Variants in SYT1 observed in about 807,000 individuals in gnomAD.
SYT1 encodes the protein synaptotagmin-1.
In SYT1, 8 loss-of-function variants were observed where a neutral mutation model predicts 44.8. The ratio of observed to expected loss-of-function variants is 0.18; its 90% confidence interval spans 0.10 to 0.32. The LOEUF (loss-of-function observed/expected upper bound fraction) is 0.32. Among genes scored for constraint, SYT1 ranks in the 10% least tolerant of loss-of-function variants. The pLI is 1.00. For missense variants in SYT1, 286 were observed against 509.3 expected (o/e 0.56, Z 4.22); for synonymous variants, 154 against 188.8 (o/e 0.82, Z 1.51).
intron 2 of SYT1, among the ~76,000 whole-genome samples, chr12:79,010,759 T>C (rs913443584): frequency 1.3e-5 from 2 of 152,196 alleles, no homozygotes; most frequent in Non-Finnish European, 2.9e-5. Flanking sequence ...CAAAATTTTT[T>C]CTAGAGGTCA....
chr12:78,981,104 T>C (rs1869219696), intron 2 of SYT1, among the ~76,000 whole-genome samples: 1 of 151,498 alleles, frequency 6.6e-6, no homozygotes, highest in African/African-American at 2.4e-5. Context: ...TGTTTTTTGT[T>C]GTTGTTTTGT....
Position 79,006,680 on chromosome 12 carries a change from G to A in SYT1, c.-84+28749G>A, listed in dbSNP as rs376191386. Among the ~76,000 whole-genome samples the A allele has an allele frequency of 2.4e-4, 37 of 152,142 alleles. 1 individual carries two copies. Among genetic ancestry groups the A allele is most frequent in the East Asian group, 1.2e-3 (6 of 5,182 alleles). On this transcript the variant is annotated intron_variant, in intron 2 of 10. Coordinates refer to ENST00000261205, the MANE Select transcript of SYT1 (RefSeq NM_005639.3). Reference sequence around the variant, plus strand: ...TATCTGAAATATACTATGTAGGATCGTTAGATATTTGTGAGAAGATATTCT... The same window carrying A: ...TATCTGAAATATACTATGTAGGATCATTAGATATTTGTGAGAAGATATTCT...
At chr12:79,015,870 T>C (rs1297969173) in intron 2 of SYT1, among the ~76,000 whole-genome samples, 2 of 152,144 alleles carry the variant, frequency 1.3e-5, no homozygotes, top group Non-Finnish European at 2.9e-5. Context: ...ACACTTCTTA[T>C]AAATGAAAAA....
At chr12:78,992,496 C>A (rs1201491442) in intron 2 of SYT1, among the ~76,000 whole-genome samples, 1 of 152,154 alleles carries the variant, frequency 6.6e-6, no homozygotes, top group Non-Finnish European at 1.5e-5. Context: ...TAAGTTACAT[C>A]AAATGCAGCA....
chr12:79,202,000 A>T (rs1385477651), intron 3 of SYT1, among the ~76,000 whole-genome samples: 1 of 152,198 alleles, frequency 6.6e-6, no homozygotes, highest in South Asian at 2.1e-4. Context: ...CAGTGAAATT[A>T]TAGTATCTAT....
intron 1 of SYT1, among the ~76,000 whole-genome samples, chr12:78,972,536 A>T (rs1267964175): frequency 1.5e-5 from 2 of 136,356 alleles, no homozygotes; most frequent in African/African-American, 2.8e-5. Context: ...CAGCAAAAAA[A>T]AAATATATAT....
chr12:79,164,903 A>G (rs1871148495), intron 3 of SYT1, among the ~76,000 whole-genome samples: 2 of 152,028 alleles, frequency 1.3e-5, no homozygotes, highest in South Asian at 2.1e-4. Context: ...TAAGACTTTG[A>G]TATAAAGTAA....
chr12:79,070,881 G>T (rs1876226842), intron 3 of SYT1, among the ~76,000 whole-genome samples: 1 of 151,584 alleles, frequency 6.6e-6, no homozygotes. Flanking sequence ...AATAAAAGTT[G>T]AAAGGAAAAA....
chr12:79,300,789 T>TTATATATATATATATA lies in SYT1; in HGVS notation c.810+1258_810+1273dup, dbSNP rs56934430. On this transcript the variant is annotated intron_variant, in intron 8 of 10. Coordinates refer to ENST00000261205, the MANE Select transcript of SYT1 (RefSeq NM_005639.3). ...TGTATATAATATTCATGTATACTTA[T>TTATATATATATATATA]TATATATATATATATATATATATAT... Among the ~76,000 whole-genome samples, 153 of 89,568 alleles carry TTATATATATATATATA rather than the reference T, an allele frequency of 1.7e-3. 1 individual carries two copies. Among genetic ancestry groups the TTATATATATATATATA allele is most frequent in the Non-Finnish European group, 2.6e-3 (116 of 45,436 alleles). 58.8% of individuals were successfully genotyped at this position (89,568 alleles called of 152,430 possible).
At chr12:78,947,344 A>C (rs1054361550) in intron 1 of SYT1, among the ~76,000 whole-genome samples, 13 of 152,082 alleles carry the variant, frequency 8.5e-5, no homozygotes, top group African/African-American at 3.1e-4. Context: ...AACATCACTC[A>C]TGTTTAGGCT....
chr12:79,115,466 A>G (rs1199805223), intron 3 of SYT1, among the ~76,000 whole-genome samples: 2 of 152,220 alleles, frequency 1.3e-5, no homozygotes, highest in African/African-American at 4.8e-5. Flanking sequence ...ATACATAAAC[A>G]ACAAATTTTA....
At chr12:78,915,457 T>C (rs2137142562) in intron 1 of SYT1, among the ~76,000 whole-genome samples, 1 of 151,904 alleles carries the variant, frequency 6.6e-6, no homozygotes, top group Non-Finnish European at 1.5e-5. Context: ...GACAATGGGG[T>C]CAAAAAAGAA....
At chr12:79,225,896 C>A (rs940985535) in intron 4 of SYT1, among the ~76,000 whole-genome samples, 2 of 152,160 alleles carry the variant, frequency 1.3e-5, no homozygotes, top group African/African-American at 4.8e-5. Context: ...GTCCCCCATC[C>A]TTGCTTTATT....
intron 8 of SYT1, among the ~76,000 whole-genome samples, chr12:79,308,290 C>T (rs1880518023): frequency 6.6e-6 from 1 of 151,936 alleles, no homozygotes; most frequent in South Asian, 2.1e-4. Context: ...TTTGGGAGGC[C>T]GAGACGGGAG....
chr12:78,949,036 T>C (rs1008341968), intron 1 of SYT1, among the ~76,000 whole-genome samples: 2 of 150,830 alleles, frequency 1.3e-5, no homozygotes, highest in African/African-American at 4.8e-5. Context: ...TTGAATTGGG[T>C]CACTGCTTTC....
At chr12:78,947,562 T>C (rs1481173587) in intron 1 of SYT1, among the ~76,000 whole-genome samples, 4 of 151,028 alleles carry the variant, frequency 2.6e-5, no homozygotes, top group Non-Finnish European at 5.9e-5. Flanking sequence ...AAATGTCTAA[T>C]GGAGATTAAA....
At chr12:79,290,442 G>A (rs953910706) in intron 5 of SYT1, among the ~76,000 whole-genome samples, 1 of 152,158 alleles carries the variant, frequency 6.6e-6, no homozygotes, top group Non-Finnish European at 1.5e-5. Flanking sequence ...ACACAGCAAA[G>A]AAAAAAGACC....
At position 79,169,818 on chromosome 12, in the gene SYT1, T is replaced by C. The variant is rs371066685; in HGVS notation, c.-17-47685T>C. 5.6e-4 allele frequency among the ~76,000 whole-genome samples: 85 copies of C among 152,130 alleles called. 1 individual carries two copies. The South Asian group carries it at 0.016, about 29-fold the overall frequency. ...TTCAGGTATTAATCCTGGTACCCAT[T>C]AGTTATTTTTCCTGATCCTCTCCCT... On this transcript the variant is annotated intron_variant, in intron 3 of 10. Coordinates refer to ENST00000261205, the MANE Select transcript of SYT1 (RefSeq NM_005639.3).
At chr12:79,063,094 T>TA (rs1875509597) in intron 3 of SYT1, among the ~76,000 whole-genome samples, 1 of 152,172 alleles carries the variant, frequency 6.6e-6, no homozygotes, top group Non-Finnish European at 1.5e-5. Flanking sequence ...CCACCTCCTT[T>TA]AACCTCACAA....
Sources: allele counts gnomAD v4.1 joint callset (sites outside exome capture counted in the v4.1 genomes callset), GRCh38; gene constraint gnomAD v4.1.1; transcripts MANE v1.5; gene names NCBI Gene and HGNC (gene_info 2026-07-23, HGNC 2026-07-21).